The following ZNF518B variants were observed in gnomAD, a reference collection of about 807,000 sequenced individuals.
ZNF518B encodes the protein zinc finger protein 518B.
ZNF518B carries 23 observed loss-of-function variants against 56.3 expected under a neutral mutation model. The observed-to-expected ratio is 0.41, with a 90% CI of 0.29 to 0.58. ZNF518B has a LOEUF of 0.58. Ranked by LOEUF, ZNF518B falls within the 20% of genes least tolerant of loss-of-function variation. The probability of loss-of-function intolerance (pLI) is 0.32; values close to 1 mark genes in which losing one functional copy is unlikely to be tolerated. For synonymous variants in ZNF518B, 529 were observed against 465.9 expected, an observed-to-expected ratio of 1.14 and a Z score of -1.74; for missense variants, 1,460 against 1,272.1, an observed-to-expected ratio of 1.15 and a Z score of -2.25.
At position 10,443,859 on chromosome 4, in the gene ZNF518B, G is replaced by T. The variant is rs765448592; in HGVS notation, c.2470C>A (p.Gln824Lys). ...CPVRQADSDLQPLRSERGPID... is the reference protein window; with the variant it reads ...CPVRQADSDLKPLRSERGPID... ...GGCCCCCTTTCACTTCTTAAAGGCT[G>T]TAAGTCTGAGTCCGCCTGTCTCACA... The change falls in exon 3 of 3, where the codon CAG (glutamine) becomes AAG (lysine). Residue 824 changes from glutamine to lysine, a missense_variant. Transcript: ENST00000326756. The T allele has an allele frequency of 1.9e-6, 3 of 1,614,188 alleles. No individual in the cohort carries two copies. The highest frequency in any genetic ancestry group is 2.5e-6 in the Non-Finnish European group (3 of 1,180,016).
At position 10,442,376 on chromosome 4, in the gene ZNF518B, G is replaced by A. The variant is rs1015404565; in HGVS notation, c.*728C>T. The A allele has an allele frequency of 3.9e-5, 6 of 152,128 alleles. No homozygotes were observed. Among genetic ancestry groups the A allele is most frequent in the Non-Finnish European group, 7.4e-5 (5 of 68,026 alleles). 9.4% of individuals were successfully genotyped at this position (152,128 alleles called of 1,614,324 possible). A position where few individuals can be genotyped will look rare whatever the true frequency, so the allele number is the denominator to read the frequency against. ...TCTTTTTGTCTTTGCAAAAAGGTAC[G>A]TTCCCTTCCCATATGTCATAAACCA... On this transcript the variant is annotated 3_prime_UTR_variant, in exon 3 of 3. Coordinates refer to ENST00000326756, the MANE Select transcript of ZNF518B (RefSeq NM_053042.3).
chr4:10,454,095 C>T (rs1423133699), intron 2 of ZNF518B: 3 of 152,348 alleles, frequency 2.0e-5, no homozygotes, highest in African/African-American at 7.2e-5. Flanking sequence ...ACTACAGGTG[C>T]AGGTGCACTT....
chr4:10,440,226 G>A lies in ZNF518B; in HGVS notation c.*2878C>T, dbSNP rs1381917440. On this transcript the variant is annotated 3_prime_UTR_variant, in exon 3 of 3. Coordinates refer to ENST00000326756, the MANE Select transcript of ZNF518B (RefSeq NM_053042.3). ...GGCCCTTAATGAAGGCTTACAAGAT[G>A]TTCTCGACTGGGGATACAAAATTGA... 2.0e-5 allele frequency: 3 copies of A among 151,952 alleles called. No homozygotes were observed. Among genetic ancestry groups the A allele is most frequent in the Non-Finnish European group, 2.9e-5 (2 of 67,980 alleles). 9.4% of individuals were successfully genotyped at this position (151,952 alleles called of 1,614,324 possible).
At chr4:10,460,139 T>C (rs1000176881), upstream of ZNF518B, among the ~76,000 whole-genome samples, 1 of 151,544 alleles carries the variant, frequency 6.6e-6, no homozygotes, top group Non-Finnish European at 1.5e-5. Flanking sequence ...GCCCCGCCTC[T>C]ACTAAAAATA....
upstream of ZNF518B, among the ~76,000 whole-genome samples, chr4:10,461,292 C>T (rs1045648926): frequency 6.6e-6 from 1 of 152,248 alleles, no homozygotes; most frequent in Non-Finnish European, 1.5e-5. Flanking sequence ...CGCAGGCCCA[C>T]TCTCTTGGCT....
chr4:10,460,312 A>AAAAC (rs1715701990), upstream of ZNF518B, among the ~76,000 whole-genome samples: 2 of 95,186 alleles, frequency 2.1e-5, 1 homozygote, highest in African/African-American at 1.6e-4. Context: ...CTCAAAAAAA[A>AAAAC]AAAAAAAAAA....
chr4:10,456,665 G>A (rs779345592), intron 1 of ZNF518B, among the ~76,000 whole-genome samples: 5 of 152,212 alleles, frequency 3.3e-5, no homozygotes, highest in Non-Finnish European at 5.9e-5. Flanking sequence ...GGCGCTCGGA[G>A]GACGAGGCCA....
intron 1 of ZNF518B, among the ~76,000 whole-genome samples, chr4:10,455,579 A>T (rs1577228872): frequency 1.3e-5 from 2 of 152,232 alleles, no homozygotes; most frequent in South Asian, 4.1e-4. Flanking sequence ...CGATGCCCTT[A>T]CTTAAAGGCA....
intron 2 of ZNF518B, among the ~76,000 whole-genome samples, chr4:10,450,468 A>G (rs1181101719): frequency 2.0e-5 from 3 of 152,206 alleles, no homozygotes; most frequent in Admixed American, 2.0e-4. Flanking sequence ...ACTCCAAGAC[A>G]AGGTAAATGG....
Position 10,444,878 on chromosome 4 carries a change from T to C in ZNF518B, c.1451A>G (p.His484Arg), listed in dbSNP as rs1351354746. 1.9e-6 allele frequency: 3 copies of C among 1,613,620 alleles called. No homozygotes were observed. Among genetic ancestry groups the C allele is most frequent in the South Asian group, 1.1e-5 (1 of 91,028 alleles). Residue 484 changes from histidine (H) to arginine (R), a missense_variant, in exon 3 of 3, where the codon CAT becomes CGT. Transcript: ENST00000326756. ...GTTTTTAAATACAGATGCTAGAGAATGACCTTTTAAGGCAACGGAAGGAAA... is the reference window on the plus strand; with the variant it reads ...GTTTTTAAATACAGATGCTAGAGAACGACCTTTTAAGGCAACGGAAGGAAA... ...TAFPSVALKG[H>R]SLASVFKNSV...
intron 2 of ZNF518B, chr4:10,453,689 CG>C (rs1166633962): frequency 6.6e-6 from 1 of 152,092 alleles, no homozygotes; most frequent in African/African-American, 2.4e-5. Flanking sequence ...CAAATGACTC[CG>C]GGTCTCTGAA....
At chr4:10,458,965 C>T (rs1339458507), upstream of ZNF518B, among the ~76,000 whole-genome samples, 1 of 152,172 alleles carries the variant, frequency 6.6e-6, no homozygotes, top group Non-Finnish European at 1.5e-5. Flanking sequence ...CACAGTTCTG[C>T]CCTCTTAAGT....
At position 10,457,381 on chromosome 4, in the gene ZNF518B, G is replaced by T. The variant is rs987417284; in HGVS notation, c.-460C>A. The T allele has an allele frequency of 6.6e-6, 1 of 151,858 alleles. No homozygotes were observed. Among genetic ancestry groups the T allele is most frequent in the Non-Finnish European group, 1.5e-5 (1 of 67,930 alleles). The allele number at this position is 151,858 out of a possible 1,614,324, so 9.4% of individuals were successfully genotyped here. A position where few individuals can be genotyped will look rare whatever the true frequency, so the allele number is the denominator to read the frequency against. ...GCGTCTACACCGCCGGCCGCAGACCGCCGGCGCCGCGCCCGCTGTAGGTCC... is the reference window on the plus strand; with the variant it reads ...GCGTCTACACCGCCGGCCGCAGACCTCCGGCGCCGCGCCCGCTGTAGGTCC... On this transcript the variant is annotated 5_prime_UTR_variant, in exon 1 of 3. Transcript: ENST00000326756.
chr4:10,447,325 G>A (rs1715103746), intron 2 of ZNF518B, among the ~76,000 whole-genome samples: 1 of 152,168 alleles, frequency 6.6e-6, no homozygotes, highest in Non-Finnish European at 1.5e-5. Flanking sequence ...GAGGTGAGGA[G>A]AGTCAGGAGA....
rs1467200473 is a variant in ZNF518B at position 10,442,936 on chromosome 4, A to C, written c.*168T>G. On this transcript the variant is annotated 3_prime_UTR_variant, in exon 3 of 3. Transcript: ENST00000326756. The stretch of plus-strand genomic sequence containing the variant: ...AGCCTTCAAATACATTCTGGGGTCC[A>C]ATCACATACTTCAGGTTCAGACTCC... 2 of 608,628 alleles carry C rather than the reference A, an allele frequency of 3.3e-6. No individual in the cohort carries two copies. Among genetic ancestry groups the C allele is most frequent in the Non-Finnish European group, 5.5e-6 (2 of 360,388 alleles). 37.7% of individuals were successfully genotyped at this position (608,628 alleles called of 1,614,324 possible). A position where few individuals can be genotyped will look rare whatever the true frequency, so the allele number is the denominator to read the frequency against.
intron 1 of ZNF518B, among the ~76,000 whole-genome samples, chr4:10,455,777 GTTA>G (rs776921675): frequency 6.6e-5 from 10 of 152,132 alleles, no homozygotes; most frequent in Admixed American, 1.3e-4. Context: ...GCAAAAAAGT[GTTA>G]TTTTTGAAGG....
At position 10,444,858 on chromosome 4, in the gene ZNF518B, T is replaced by C. The variant is rs2108986282; in HGVS notation, c.1471A>G (p.Lys491Glu). Reference sequence around the variant, plus strand: ...CCAAGACTACGTAAAACACTGTTTTTAAATACAGATGCTAGAGAATGACCT... The same window carrying C: ...CCAAGACTACGTAAAACACTGTTTTCAAATACAGATGCTAGAGAATGACCT... ...LKGHSLASVFKNSVLRSLGAA... is the reference protein window; with the variant it reads ...LKGHSLASVFENSVLRSLGAA... Residue 491 changes from lysine to glutamate, a missense_variant, in exon 3 of 3, where the codon AAA (lysine) becomes GAA (glutamate). Transcript: ENST00000326756. 6 of 1,613,956 alleles carry C rather than the reference T, an allele frequency of 3.7e-6. No homozygotes were observed. In the East Asian group the frequency reaches 1.3e-4, roughly 36 times the overall value.
At chr4:10,447,467 G>T (rs1418178667) in intron 2 of ZNF518B, among the ~76,000 whole-genome samples, 3 of 152,056 alleles carry the variant, frequency 2.0e-5, no homozygotes, top group Non-Finnish European at 2.9e-5. Context: ...CTGCTCATGA[G>T]GAACAGCAAG....
upstream of ZNF518B, among the ~76,000 whole-genome samples, chr4:10,459,694 A>C (rs1386664990): frequency 3.9e-5 from 6 of 152,268 alleles, no homozygotes; most frequent in Admixed American, 1.3e-4. Context: ...ACACACAGGG[A>C]GAAGAAGCCA....
Sources: gnomAD v4.1 joint callset for allele counts (sites outside exome capture counted in the v4.1 genomes callset) on GRCh38, gnomAD v4.1.1 for gene constraint, MANE v1.5 for transcripts, NCBI Gene and HGNC (gene_info 2026-07-23, HGNC 2026-07-21) for gene names.